Variants in SMAD6 observed in about 807,000 individuals in gnomAD.
The protein encoded by SMAD6 is SMAD family member 6.
A neutral mutation model predicts 39.4 loss-of-function variants in SMAD6; 103 were observed. The observed-to-expected ratio is 2.62, with a 90% confidence interval of 2.23 to 3.08. The LOEUF is 3.08. SMAD6 is among the 30% of genes most tolerant of loss of function. The pLI, the probability that SMAD6 is intolerant of heterozygous loss-of-function variation, is 0.00. For synonymous variants in SMAD6, 445 were observed against 353.3 expected (o/e 1.26, Z -2.91); for missense variants, 1,104 against 742.9 (o/e 1.49, Z -5.65).
chr15:66,778,320 G>A (rs1894502097), intron 3 of SMAD6, among the ~76,000 whole-genome samples: 1 of 152,130 alleles, frequency 6.6e-6, no homozygotes, highest in Non-Finnish European at 1.5e-5. Context: ...GAGCTCAAAT[G>A]AGCCTCCTGC....
chr15:66,776,119 T>G (rs1474877520), intron 3 of SMAD6, among the ~76,000 whole-genome samples: 1 of 152,246 alleles, frequency 6.6e-6, no homozygotes, highest in Non-Finnish European at 1.5e-5. Context: ...CTTCCATTCC[T>G]TCACTCACTG....
intron 1 of SMAD6, among the ~76,000 whole-genome samples, chr15:66,709,723 C>T (rs1394336188): frequency 1.3e-5 from 2 of 152,168 alleles, no homozygotes; most frequent in Non-Finnish European, 2.9e-5. Context: ...GGTTCTGGCT[C>T]GATACCTAGC....
rs1272729460 is a variant in SMAD6 at position 66,747,997 on chromosome 15, C to CA, written c.952+31500dup. Among the ~76,000 whole-genome samples the CA allele has an allele frequency of 1.3e-5, 2 of 152,320 alleles. No homozygotes were observed. Among genetic ancestry groups the CA allele is most frequent in the African/African-American group, 4.8e-5 (2 of 41,574 alleles). On this transcript the variant is annotated intron_variant, in intron 3 of 3. Coordinates refer to ENST00000288840, the MANE Select transcript of SMAD6 (RefSeq NM_005585.5). This position sits in a 1 kb window ranked among gnomAD's most constrained non-coding sequence, Gnocchi z 4.5. ...GCCACCCCCACGCCCTAACTTGCCC[C>CA]ATTGTAGCCAGACCACTCCTTCCAA...
intron 3 of SMAD6, among the ~76,000 whole-genome samples, chr15:66,770,770 A>G (rs898564643): frequency 6.6e-6 from 1 of 152,120 alleles, no homozygotes; most frequent in African/African-American, 2.4e-5. Context: ...AGGGAACCAG[A>G]GTTCCCTCAC....
At position 66,781,330 on chromosome 15, in the gene SMAD6, A is replaced by C; in HGVS notation, c.1286A>C (p.Lys429Thr). ...APGGRALVVR[K>T]VPPGYSIKVF... Reference sequence around the variant, plus strand: ...GGCGGCCGCGCCCTGGTCGTGCGCAAGGTGCCCCCCGGCTACTCCATCAAG... The same window carrying C: ...GGCGGCCGCGCCCTGGTCGTGCGCACGGTGCCCCCCGGCTACTCCATCAAG... Residue 429 changes from lysine (K) to threonine (T), a missense_variant, in exon 4 of 4, where the codon AAG becomes ACG. Transcript: ENST00000288840. 1 of 1,598,814 alleles carries C rather than the reference A, an allele frequency of 6.3e-7. No homozygotes were observed. Among genetic ancestry groups the C allele is most frequent in the Non-Finnish European group, 8.5e-7 (1 of 1,173,886 alleles).
At chr15:66,724,527 C>T (rs1266725573) in intron 3 of SMAD6, among the ~76,000 whole-genome samples, 1 of 152,132 alleles carries the variant, frequency 6.6e-6, no homozygotes, top group Non-Finnish European at 1.5e-5. Flanking sequence ...GTAACAGGCT[C>T]AGAGAGGTTA....
chr15:66,753,370 T>C (rs746634572), intron 3 of SMAD6, among the ~76,000 whole-genome samples: 21 of 152,190 alleles, frequency 1.4e-4, no homozygotes, highest in Admixed American at 2.0e-4. Context: ...TCCTTGTGCG[T>C]TGGGCCATCT....
chr15:66,743,883 T>C (rs758313264), intron 3 of SMAD6, among the ~76,000 whole-genome samples: 1 of 152,186 alleles, frequency 6.6e-6, no homozygotes, highest in Non-Finnish European at 1.5e-5. Flanking sequence ...TGATGGCTGC[T>C]TAGTATTCCA....
intron 1 of SMAD6, chr15:66,706,145 A>G (rs1454295616): frequency 6.6e-6 from 1 of 152,262 alleles, no homozygotes; most frequent in Non-Finnish European, 1.5e-5. Context: ...GCAGTAGAAC[A>G]GTTCTTGACC....
chr15:66,752,777 A>G (rs1894029523), intron 3 of SMAD6, among the ~76,000 whole-genome samples: 1 of 152,050 alleles, frequency 6.6e-6, no homozygotes, highest in African/African-American at 2.4e-5. Context: ...TGGGCAGCAG[A>G]GTGAGTCCCC....
chr15:66,763,393 G>T (rs1342478994), intron 3 of SMAD6, among the ~76,000 whole-genome samples: 1 of 152,232 alleles, frequency 6.6e-6, no homozygotes, highest in Non-Finnish European at 1.5e-5. Flanking sequence ...CTGACTTGGT[G>T]CCCTTGGGGA....
chr15:66,765,869 T>C (rs1196486595), intron 3 of SMAD6, among the ~76,000 whole-genome samples: 1 of 152,180 alleles, frequency 6.6e-6, no homozygotes, highest in African/African-American at 2.4e-5. Context: ...TGTGCGACAC[T>C]TGATGTAACT....
chr15:66,756,204 G>A (rs1894095929), intron 3 of SMAD6, among the ~76,000 whole-genome samples: 1 of 152,094 alleles, frequency 6.6e-6, no homozygotes, highest in Admixed American at 6.5e-5. Context: ...GAAGCTAGGA[G>A]TGGGGGGTGC....
intron 3 of SMAD6, among the ~76,000 whole-genome samples, chr15:66,738,528 A>G (rs2469112): frequency 0.18 from 27,025 of 152,098 alleles, 2,465 homozygotes; most frequent in African/African-American, 0.21. Context: ...CTGTCCTTCA[A>G]TTTCTTGTCT....
In SMAD6 at chr15:66,716,466, ACTC is replaced by A. The variant is rs753454521; in HGVS notation, c.922_924del (p.Ser308del). 6.2e-7 allele frequency: 1 copy of A among 1,613,394 alleles called. No individual in the cohort carries two copies. The highest frequency in any genetic ancestry group is 8.5e-7 in the Non-Finnish European group (1 of 1,179,644). ...TCTTACACTGAAACGGAGGCTACCA[ACTC>A]CCTCATCACTGCTCCGGGTGAATTC... On this transcript the variant is annotated inframe_deletion, in exon 3 of 4. Transcript: ENST00000288840.
At chr15:66,707,779 C>A (rs3809570) in intron 1 of SMAD6, 32,911 of 152,178 alleles carry the variant, frequency 0.22, 3,648 homozygotes, top group Middle Eastern at 0.35. Context: ...TCAGGAGGCC[C>A]CCTCCCCATC....
intron 3 of SMAD6, among the ~76,000 whole-genome samples, chr15:66,735,930 C>T (rs1184479731): frequency 6.6e-6 from 1 of 152,232 alleles, no homozygotes; most frequent in Non-Finnish European, 1.5e-5. Context: ...AGGACCTGGA[C>T]AGGGTGTGTC....
intron 3 of SMAD6, among the ~76,000 whole-genome samples, chr15:66,725,936 G>GC (rs750183121): frequency 6.6e-6 from 1 of 152,158 alleles, no homozygotes; most frequent in Non-Finnish European, 1.5e-5. Context: ...TCCCCCACCT[G>GC]CCACCCCTTC....
rs576677678 is a variant in SMAD6 at position 66,718,396 on chromosome 15, G to T, written c.952+1898G>T. 3.3e-5 allele frequency among the ~76,000 whole-genome samples: 5 copies of T among 152,308 alleles called. No homozygotes were observed. The East Asian group carries it at 5.8e-4, about 18-fold the overall frequency. On this transcript the variant is annotated intron_variant, in intron 3 of 3. Coordinates refer to ENST00000288840, the MANE Select transcript of SMAD6 (RefSeq NM_005585.5). ...ATTTCCGACCGGATATCCCAGAGCA[G>T]TCTTTGGTACTGGGTGGTGAGAAGG...
Sources: gnomAD v4.1 joint callset for allele counts (sites outside exome capture counted in the v4.1 genomes callset) on GRCh38, gnomAD v4.1.1 for gene constraint, Gnocchi (gnomAD v3.1) non-coding constraint, MANE v1.5 for transcripts, NCBI Gene and HGNC (gene_info 2026-07-23, HGNC 2026-07-21) for gene names.